The following MBNL1 variants were observed in gnomAD, a reference collection of about 807,000 sequenced individuals.
MBNL1 encodes the protein muscleblind like splicing regulator 1.
Under a neutral mutation model 42.2 loss-of-function variants are expected in MBNL1, and 8 were observed. That is an observed-to-expected ratio of 0.19 (90% CI 0.11 to 0.34). The LOEUF (loss-of-function observed/expected upper bound fraction) is 0.34, where lower values mean the gene tolerates loss of function less well. Among genes scored for constraint, MBNL1 ranks in the 10% least tolerant of loss-of-function variants. MBNL1 has a pLI of 1.00. For missense variants in MBNL1, 309 were observed against 495.3 expected (o/e 0.62, Z 3.57); for synonymous variants, 169 against 173.9 (o/e 0.97, Z 0.22).
At chr3:152,383,169 T>G (rs2097257995) in intron 2 of MBNL1, among the ~76,000 whole-genome samples, 1 of 152,130 alleles carries the variant, frequency 6.6e-6, no homozygotes, top group Non-Finnish European at 1.5e-5. Flanking sequence ...CAAACTGCCT[T>G]GCTCTTGGCT....
chr3:152,346,587 T>G (rs752079971), intron 2 of MBNL1, among the ~76,000 whole-genome samples: 1 of 152,144 alleles, frequency 6.6e-6, no homozygotes, highest in Non-Finnish European at 1.5e-5. Context: ...TACTTATTTG[T>G]ACCTTATATG....
upstream of MBNL1, chr3:152,265,879 T>C (rs2037150387): frequency 6.6e-6 from 1 of 152,222 alleles, no homozygotes; most frequent in African/African-American, 2.4e-5. Flanking sequence ...CATAATGTTC[T>C]CCTGGCACTG....
intron 2 of MBNL1, among the ~76,000 whole-genome samples, chr3:152,388,430 T>TA (rs2153454422): frequency 6.6e-6 from 1 of 152,328 alleles, no homozygotes; most frequent in South Asian, 2.1e-4. Context: ...TGTCAGTAGT[T>TA]ATGGATTTTA....
At chr3:152,449,661 A>T (rs990156696) in intron 6 of MBNL1, among the ~76,000 whole-genome samples, 1 of 152,252 alleles carries the variant, frequency 6.6e-6, no homozygotes, top group African/African-American at 2.4e-5. Flanking sequence ...TCATTCATAA[A>T]TCAGAATCAA....
At chr3:152,279,845 A>G (rs1459620223) in intron 1 of MBNL1, among the ~76,000 whole-genome samples, 2 of 152,162 alleles carry the variant, frequency 1.3e-5, no homozygotes, top group African/African-American at 4.8e-5. Context: ...TTTATGTTAC[A>G]TCATCTAATT....
At chr3:152,346,284 T>G (rs2094220632) in intron 2 of MBNL1, among the ~76,000 whole-genome samples, 1 of 152,156 alleles carries the variant, frequency 6.6e-6, no homozygotes, top group African/African-American at 2.4e-5. Context: ...GATCCTCAAC[T>G]GTGTCCACTC....
upstream of MBNL1, chr3:152,263,062 A>T (rs1057072466): frequency 1.3e-5 from 2 of 152,240 alleles, no homozygotes; most frequent in Admixed American, 1.3e-4. Context: ...GTGGGGCAGG[A>T]GGCTTGTCCT....
chr3:152,305,807 A>G (rs1449665080), intron 2 of MBNL1, among the ~76,000 whole-genome samples: 1 of 152,260 alleles, frequency 6.6e-6, no homozygotes, highest in African/African-American at 2.4e-5. Flanking sequence ...GCTCACTTAT[A>G]CTAACAGCAA....
At chr3:152,267,962 G>T, upstream of MBNL1, 1 of 152,166 alleles carries the variant, frequency 6.6e-6, no homozygotes, top group Non-Finnish European at 1.5e-5. Flanking sequence ...TACATTCAAA[G>T]GAAATCCTGC....
intron 2 of MBNL1, among the ~76,000 whole-genome samples, chr3:152,403,953 T>A (rs528113140): frequency 5.9e-5 from 9 of 152,200 alleles, no homozygotes; most frequent in Admixed American, 5.9e-4. Context: ...TTTGTTCAAG[T>A]ACAAAGTTGA....
chr3:152,389,054 A>G (rs2097563770), intron 2 of MBNL1, among the ~76,000 whole-genome samples: 2 of 152,066 alleles, frequency 1.3e-5, no homozygotes, highest in Non-Finnish European at 2.9e-5. Flanking sequence ...TTAAATGGGG[A>G]TCAGTCTTTA....
chr3:152,250,333 A>C (rs1432281171), intron 2 of MBNL1, among the ~76,000 whole-genome samples: 3 of 151,438 alleles, frequency 2.0e-5, no homozygotes, highest in Non-Finnish European at 4.4e-5. Flanking sequence ...GAGGTCCTTC[A>C]CGTCCCTTGT....
chr3:152,412,939 G>A (rs1450829415), intron 2 of MBNL1, among the ~76,000 whole-genome samples: 4 of 152,208 alleles, frequency 2.6e-5, no homozygotes, highest in Non-Finnish European at 5.9e-5. Flanking sequence ...GAACTATGAT[G>A]CGGAGATACT....
chr3:152,367,207 G>T (rs1246577089), intron 2 of MBNL1, among the ~76,000 whole-genome samples: 2 of 149,446 alleles, frequency 1.3e-5, no homozygotes, highest in Admixed American at 1.3e-4. Flanking sequence ...ACCCCAGAGT[G>T]TAATGTTCCC....
chr3:152,285,302 A>G (rs1200836796), intron 1 of MBNL1, among the ~76,000 whole-genome samples: 1 of 152,212 alleles, frequency 6.6e-6, no homozygotes, highest in Non-Finnish European at 1.5e-5. Context: ...GCTAGCATGT[A>G]TCGTGTATCG....
At chr3:152,413,869 T>C (rs2098645912) in intron 2 of MBNL1, among the ~76,000 whole-genome samples, 1 of 152,220 alleles carries the variant, frequency 6.6e-6, no homozygotes, top group South Asian at 2.1e-4. Context: ...TCACACCATA[T>C]TACATATTAT....
chr3:152,461,733 A>T (rs895501614), intron 9 of MBNL1, among the ~76,000 whole-genome samples: 6 of 152,226 alleles, frequency 3.9e-5, no homozygotes, highest in African/African-American at 1.4e-4. Flanking sequence ...TTCGCTGCTG[A>T]GAACAAATTT....
At chr3:152,271,303 C>T (rs982525832) in intron 1 of MBNL1, among the ~76,000 whole-genome samples, 1 of 151,842 alleles carries the variant, frequency 6.6e-6, no homozygotes, top group Non-Finnish European at 1.5e-5. Flanking sequence ...AACAGACTAA[C>T]CCAAAATTTC....
intron 1 of MBNL1, among the ~76,000 whole-genome samples, chr3:152,270,126 G>T (rs1292250598): frequency 1.3e-5 from 2 of 152,162 alleles, no homozygotes; most frequent in South Asian, 2.1e-4. Context: ...GTATGCGGCT[G>T]TTGGGATTCT....
Sources: allele counts gnomAD v4.1 joint callset (sites outside exome capture counted in the v4.1 genomes callset), GRCh38; gene constraint gnomAD v4.1.1; transcripts MANE v1.5; gene names NCBI Gene and HGNC (gene_info 2026-07-23, HGNC 2026-07-21).